NFXL1: variants seen among roughly 807,000 people sequenced by gnomAD.
NFXL1 encodes the protein NF-X1-type zinc finger protein NFXL1.
NFXL1 carries 66 observed loss-of-function variants against 123.3 expected under a neutral mutation model. That is an observed-to-expected ratio of 0.54 (90% confidence interval 0.44 to 0.66). The LOEUF is 0.66. Ranked by LOEUF, NFXL1 falls within the 30% of genes least tolerant of loss-of-function variation. The pLI is 0.00. For synonymous variants in NFXL1, 346 were observed against 360.8 expected (o/e 0.96, Z 0.46); for missense variants, 944 against 1,125.6 (o/e 0.84, Z 2.31).
At chr4:47,882,890 T>TA (rs1461825313) in intron 15 of NFXL1, among the ~76,000 whole-genome samples, 1 of 152,212 alleles carries the variant, frequency 6.6e-6, no homozygotes, top group Non-Finnish European at 1.5e-5. Flanking sequence ...TTACTCCAAG[T>TA]AAAAAGACAT....
intron 22 of NFXL1, among the ~76,000 whole-genome samples, chr4:47,848,976 A>G (rs16860680): frequency 0.033 from 5,027 of 152,306 alleles, 261 homozygotes; most frequent in African/African-American, 0.11. Context: ...ATACATTGAC[A>G]CCATTATACT....
At chr4:47,905,774 TG>T (rs761861663) in intron 3 of NFXL1, among the ~76,000 whole-genome samples, 1 of 151,852 alleles carries the variant, frequency 6.6e-6, no homozygotes, top group Non-Finnish European at 1.5e-5. Flanking sequence ...TGGGTGTGTG[TG>T]TATGAATTTA....
chr4:47,854,529 T>C (rs1455829974), intron 20 of NFXL1, among the ~76,000 whole-genome samples: 4 of 152,160 alleles, frequency 2.6e-5, no homozygotes, highest in Non-Finnish European at 5.9e-5. Flanking sequence ...TTTACTCCTC[T>C]GTTACCATCA....
At chr4:47,908,352 A>G (rs1737657315) in intron 3 of NFXL1, among the ~76,000 whole-genome samples, 1 of 151,948 alleles carries the variant, frequency 6.6e-6, no homozygotes, top group Admixed American at 6.6e-5. Context: ...TGAGCTCAGT[A>G]GTTCAAGATT....
Position 47,899,362 on chromosome 4 carries a change from T to C in NFXL1, c.826+8A>G, listed in dbSNP as rs1737265279. ...CACAAACAATTTAAAATGCAATATA[T>C]AACTCACCTGGATGACAGAGGAGTA... On this transcript the variant is annotated splice_region_variant and intron_variant, in intron 6 of 22. Coordinates refer to ENST00000507489, the MANE Select transcript of NFXL1 (RefSeq NM_001278624.2). 5 of 1,606,904 alleles carry C rather than the reference T, an allele frequency of 3.1e-6. No homozygotes were observed. Among genetic ancestry groups the C allele is most frequent in the South Asian group, 1.1e-5 (1 of 90,836 alleles).
At chr4:47,891,523 C>T (rs909250134) in intron 11 of NFXL1, among the ~76,000 whole-genome samples, 10 of 152,072 alleles carry the variant, frequency 6.6e-5, no homozygotes, top group African/African-American at 1.4e-4. Flanking sequence ...CAGACACTTC[C>T]GTGTCTGTGA....
intron 3 of NFXL1, among the ~76,000 whole-genome samples, chr4:47,908,815 C>G (rs2110108519): frequency 6.6e-6 from 1 of 152,020 alleles, no homozygotes; most frequent in African/African-American, 2.4e-5. Context: ...ATTACCCGGG[C>G]ATGGTGGCGG....
chr4:47,908,908 T>C (rs1052519204), intron 3 of NFXL1, among the ~76,000 whole-genome samples: 5 of 147,796 alleles, frequency 3.4e-5, no homozygotes, highest in African/African-American at 1.3e-4. Flanking sequence ...TGAGCTGAGA[T>C]TGCGCCACTG....
At chr4:47,865,629 C>T (rs752394091) in intron 18 of NFXL1, among the ~76,000 whole-genome samples, 1 of 152,004 alleles carries the variant, frequency 6.6e-6, no homozygotes, top group African/African-American at 2.4e-5. Context: ...GAAAAAGGTC[C>T]CCCTAAATAT....
In NFXL1 at chr4:47,885,480, ATAG is replaced by A. The variant is rs1736374786; in HGVS notation, c.1824+15_1824+17del. 6.3e-7 allele frequency: 1 copy of A among 1,589,118 alleles called. No individual in the cohort carries two copies. The highest frequency in any genetic ancestry group is 1.3e-5 in the African/African-American group (1 of 74,292). On this transcript the variant is annotated intron_variant, in intron 14 of 22. Transcript: ENST00000507489. The stretch of plus-strand genomic sequence containing the variant: ...CCCACAGCAATGCACTATTTCTCTA[ATAG>A]TATTATTCCCTTACCCTGCCAGTCT...
At chr4:47,877,881 C>T (rs1477859311) in intron 17 of NFXL1, among the ~76,000 whole-genome samples, 1 of 151,912 alleles carries the variant, frequency 6.6e-6, no homozygotes, top group Non-Finnish European at 1.5e-5. Context: ...TATTACAACT[C>T]CCTACAGAAC....
At chr4:47,888,455 A>T (rs1233868187) in intron 12 of NFXL1, among the ~76,000 whole-genome samples, 1 of 152,158 alleles carries the variant, frequency 6.6e-6, no homozygotes, top group Non-Finnish European at 1.5e-5. Context: ...AAATATTGAC[A>T]GTTGCACAAC....
chr4:47,909,412 A>G (rs1382879821), intron 3 of NFXL1, among the ~76,000 whole-genome samples: 1 of 152,208 alleles, frequency 6.6e-6, no homozygotes, highest in Admixed American at 6.5e-5. Flanking sequence ...AGCTAAGTCA[A>G]CTAGGTTTAA....
intron 3 of NFXL1, among the ~76,000 whole-genome samples, chr4:47,909,651 C>A (rs1320910490): frequency 1.3e-5 from 2 of 149,366 alleles, no homozygotes; most frequent in Non-Finnish European, 3.0e-5. Context: ...AAAAATATTT[C>A]TTTCTTTCTT....
chr4:47,885,439 A>G, intron 14 of NFXL1, 59 bp downstream of exon 14: 1 of 1,400,204 alleles, frequency 7.1e-7, no homozygotes, highest in South Asian at 1.3e-5. Context: ...AACTAAGTAA[A>G]AGCAAGAAAG....
At position 47,875,178 on chromosome 4, in the gene NFXL1, A is replaced by T. The variant is rs773278526; in HGVS notation, c.2195T>A (p.Met732Lys). The T allele has an allele frequency of 6.2e-7, 1 of 1,612,630 alleles. No individual in the cohort carries two copies. Among genetic ancestry groups the T allele is most frequent in the East Asian group, 2.2e-5 (1 of 44,866 alleles). The change falls in exon 18 of 23, where the codon ATG becomes AAG. Residue 732 changes from methionine (M) to lysine (K), a missense_variant. Around this residue, in one of 4 missense-constraint regions of NFXL1, gnomAD observed 301 missense variants for 348.0 expected, o/e 0.86. Transcript: ENST00000507489. ...CTTACAGTGACATTTTATTCTAAGCATCTGAACACAAGGTGGACATTCTCC... is the reference window on the plus strand; with the variant it reads ...CTTACAGTGACATTTTATTCTAAGCTTCTGAACACAAGGTGGACATTCTCC... ...HPGECPPCVQ[M>K]LRIKCHCKIT... is the part of the protein sequence containing the mutation.
intron 18 of NFXL1, among the ~76,000 whole-genome samples, chr4:47,874,902 C>G (rs546509697): frequency 6.6e-6 from 1 of 152,072 alleles, no homozygotes; most frequent in East Asian, 1.9e-4. Flanking sequence ...ATAACAAAAT[C>G]TTATACAGAA....
intron 22 of NFXL1, 127 bp from the exon 23 acceptor site, chr4:47,848,463 A>G (rs2110017718): frequency 1.4e-6 from 1 of 702,050 alleles, no homozygotes; most frequent in Admixed American, 3.1e-5. Flanking sequence ...TATTGATTTG[A>G]TTTTTTAAAA....
At chr4:47,851,005 C>T in intron 22 of NFXL1, 90 bp downstream of exon 22, 3 of 921,392 alleles carry the variant, frequency 3.3e-6, no homozygotes, top group Non-Finnish European at 5.4e-6. Flanking sequence ...AGAGACTAGA[C>T]CTTAGTTTGA....
Sources: allele counts gnomAD v4.1 joint callset (sites outside exome capture counted in the v4.1 genomes callset), GRCh38; gene constraint gnomAD v4.1.1; regional missense constraint gnomAD v4.1.1; transcripts MANE v1.5; gene names NCBI Gene and HGNC (gene_info 2026-07-23, HGNC 2026-07-21).